WIPI2: variants seen among roughly 807,000 people sequenced by gnomAD.
WIPI2 encodes WD repeat domain, phosphoinositide interacting 2, also known as WD repeat domain phosphoinositide-interacting protein 2.
In WIPI2, 28 loss-of-function variants were observed where a neutral mutation model predicts 52.3. The observed-to-expected ratio is 0.54, with a 90% CI of 0.40 to 0.73. The LOEUF (loss-of-function observed/expected upper bound fraction) is 0.73. Among genes scored for constraint, WIPI2 ranks in the 30% least tolerant of loss-of-function variants. The pLI, the probability that WIPI2 is intolerant of heterozygous loss-of-function variation, is 0.00. For synonymous variants in WIPI2, 268 were observed against 245.0 expected (o/e 1.09, Z -0.88); for missense variants, 506 against 602.9 (o/e 0.84, Z 1.68).
Position 5,214,367 on chromosome 7 carries a change from C to T in WIPI2, c.212-168C>T, listed in dbSNP as rs73676541. 418 of 1,594,278 alleles carry T rather than the reference C, an allele frequency of 2.6e-4. No individual in the cohort carries two copies. In the African/African-American group the frequency reaches 5.1e-3, roughly 20 times the overall value. On this transcript the variant is annotated intron_variant, in intron 3 of 12. Transcript: ENST00000288828. ...TCCTGAGGCTCCAGCGAATCAAGACCCTCAGACCCCCGGGCTGTCCCCACC... is the reference window on the plus strand; with the variant it reads ...TCCTGAGGCTCCAGCGAATCAAGACTCTCAGACCCCCGGGCTGTCCCCACC...
chr7:5,207,020 C>G (rs1168047295), intron 3 of WIPI2, among the ~76,000 whole-genome samples: 1 of 152,166 alleles, frequency 6.6e-6, no homozygotes, highest in Non-Finnish European at 1.5e-5. Context: ...CTCAAGTGAT[C>G]CACATCAGCC....
Position 5,214,579 on chromosome 7 carries a change from A to C in WIPI2, c.256A>C (p.Ser86Arg), listed in dbSNP as rs1269392239. ...VCIVERLFSS[S>R]LVAIVSLKAP... ...CATTGTAGAGAGATTGTTCTCCAGCAGCCTAGTGGCCATCGTCAGCCTTAA... is the reference window on the plus strand; with the variant it reads ...CATTGTAGAGAGATTGTTCTCCAGCCGCCTAGTGGCCATCGTCAGCCTTAA... Residue 86 changes from serine to arginine, a missense_variant, in exon 4 of 13, where the codon AGC (serine) becomes CGC (arginine). Ser to Arg is a moderately radical substitution (Grantham distance 110). This residue lies in a region of WIPI2 where 237 missense variants were observed against 346.9 expected (regional missense o/e 0.68). Transcript: ENST00000288828. 1 of 1,614,258 alleles carries C rather than the reference A, an allele frequency of 6.2e-7. No individual in the cohort carries two copies. The highest frequency in any genetic ancestry group is 1.7e-5 in the Admixed American group (1 of 60,038).
chr7:5,228,137 C>T lies in WIPI2; in HGVS notation c.1047C>T (p.Ala349=), dbSNP rs370203858. Residue 349 remains alanine, a synonymous_variant, in exon 11 of 13, where the codon GCC becomes GCT. Coordinates refer to ENST00000288828, the MANE Select transcript of WIPI2 (RefSeq NM_015610.4). ...IQKIPRLLVG[A]ADGYLYMYNL... ...AGATCCCGCGGTTGTTGGTGGGTGC[C>T]GCCGACGGGTACCTGTACATGTACA... is the stretch of plus-strand genomic sequence containing the variant. 1.5e-5 allele frequency: 24 copies of T among 1,613,892 alleles called. 1 individual carries two copies. In the African/African-American group the frequency reaches 1.6e-4, roughly 11 times the overall value.
At chr7:5,192,493 T>A (rs1384670081) in intron 1 of WIPI2, among the ~76,000 whole-genome samples, 1 of 152,186 alleles carries the variant, frequency 6.6e-6, no homozygotes, top group Non-Finnish European at 1.5e-5. Context: ...CACAGAAGAG[T>A]GTCACTCTGG....
At chr7:5,217,720 G>A in intron 6 of WIPI2, 2 of 606,262 alleles carry the variant, frequency 3.3e-6, no homozygotes, top group Non-Finnish European at 3.0e-6. Context: ...AAAACCTTAG[G>A]GATAAATTGC....
chr7:5,215,372 A>C lies in WIPI2; in HGVS notation c.381+668A>C, dbSNP rs1583572124. Among the ~76,000 whole-genome samples, 8 of 152,340 alleles carry C rather than the reference A, an allele frequency of 5.3e-5. No homozygotes were observed. The South Asian group carries it at 1.7e-3, about 32-fold the overall frequency. ...AAATTGTTAGTTTAACTTTGAATTC[A>C]AGATGAAGGATTTATTACTTTATCT... On this transcript the variant is annotated intron_variant, in intron 4 of 12. Coordinates refer to ENST00000288828, the MANE Select transcript of WIPI2 (RefSeq NM_015610.4).
rs926191840 is a variant in WIPI2, at chr7:5,214,664, G to A, written c.341G>A (p.Ser114Asn). The A allele has an allele frequency of 6.2e-7, 1 of 1,614,112 alleles. No individual in the cohort carries two copies. Among genetic ancestry groups the A allele is most frequent in the African/African-American group, 1.3e-5 (1 of 74,946 alleles). The change falls in exon 4 of 13, where the codon AGC becomes AAC. Residue 114 changes from serine (S) to asparagine (N), a missense_variant. This residue lies in a region of WIPI2 where 237 missense variants were observed against 346.9 expected (regional missense o/e 0.68). Transcript: ENST00000288828. ...FKKGTEICNYSYSNTILAVKL... is the reference protein window; with the variant it reads ...FKKGTEICNYNYSNTILAVKL... ...AAGGGAACTGAGATCTGCAACTACA[G>A]CTACTCCAACACGATTCTGGCTGTG...
chr7:5,217,154 C>T lies in WIPI2; in HGVS notation c.543C>T (p.Ile181=), dbSNP rs774114268. Residue 181 remains isoleucine, a synonymous_variant, in exon 6 of 13, where the codon ATC becomes ATT. Coordinates refer to ENST00000288828, the MANE Select transcript of WIPI2 (RefSeq NM_015610.4). ...TGGCGTACCCAGGGAGCGCGACCATCGGAGAGGTGCAGGTCTTCGATACCA... is the reference window on the plus strand; with the variant it reads ...TGGCGTACCCAGGGAGCGCGACCATTGGAGAGGTGCAGGTCTTCGATACCA... ...CYLAYPGSAT[I]GEVQVFDTIN... 36 of 1,614,014 alleles carry T rather than the reference C, an allele frequency of 2.2e-5. No homozygotes were observed. The highest frequency in any genetic ancestry group is 7.7e-5 in the South Asian group (7 of 91,080).
rs1400860746 is a variant in WIPI2 at position 5,230,028 on chromosome 7, C to T, written c.1252+290C>T. 6.6e-6 allele frequency among the ~76,000 whole-genome samples: 1 copy of T among 151,738 alleles called. No individual in the cohort carries two copies. Among genetic ancestry groups the T allele is most frequent in the Admixed American group, 6.6e-5 (1 of 15,232 alleles). On this transcript the variant is annotated intron_variant, in intron 12 of 12. Transcript: ENST00000288828. This position sits in a 1 kb window ranked among gnomAD's most constrained non-coding sequence, Gnocchi z 4.8. ...GCTCAAGTGATTCTCCCGCCTCAGCCTCCCACAGTGCTGGGATTATAGGCA... is the reference window on the plus strand; with the variant it reads ...GCTCAAGTGATTCTCCCGCCTCAGCTTCCCACAGTGCTGGGATTATAGGCA...
rs771898343 is a variant in WIPI2, at chr7:5,229,687, G to A, written c.1201G>A (p.Gly401Ser). Residue 401 changes from glycine to serine, a missense_variant, in exon 12 of 13, where the codon GGC becomes AGC. By Grantham distance (56) the Gly-to-Ser change is moderately conservative. Transcript: ENST00000288828. ...HDCPLVTQTYGAAAGKGTYVP... is the reference protein window; with the variant it reads ...HDCPLVTQTYSAAAGKGTYVP... ...CTGCCCCTTAGTCACTCAGACATAC[G>A]GCGCAGCTGCAGGAAAAGGTACTTA... The A allele has an allele frequency of 5.3e-5, 86 of 1,613,916 alleles. No homozygotes were observed. Among genetic ancestry groups the A allele is most frequent in the Non-Finnish European group, 6.9e-5 (82 of 1,179,994 alleles).
rs201154014 is a variant in WIPI2 at position 5,232,024 on chromosome 7, C to T, written c.*1077C>T. On this transcript the variant is annotated 3_prime_UTR_variant, in exon 13 of 13. Transcript: ENST00000288828. ...TGGTTGCAAGCTTCAGTATTTGCCT[C>T]GCTTCCCTTCCCTTTTCATATTTAC... 270 of 313,860 alleles carry T rather than the reference C, an allele frequency of 8.6e-4. 4 individuals carry two copies. In the East Asian group the frequency reaches 1.0e-2, roughly 12 times the overall value. The allele number at this position is 313,860 out of a possible 1,614,324, so 19.4% of individuals were successfully genotyped here.
intron 3 of WIPI2, among the ~76,000 whole-genome samples, chr7:5,204,497 A>G (rs1472737953): frequency 6.6e-6 from 1 of 152,206 alleles, no homozygotes; most frequent in East Asian, 1.9e-4. Context: ...GAAGTGTAAT[A>G]GAAAAATATT....
chr7:5,224,479 G>A (rs148055682), intron 8 of WIPI2, among the ~76,000 whole-genome samples: 165 of 152,356 alleles, frequency 1.1e-3, no homozygotes, highest in African/African-American at 3.9e-3. Flanking sequence ...AGTAGAGAAA[G>A]TAATTCATGC....
At chr7:5,205,882 GT>G (rs11300150) in intron 3 of WIPI2, among the ~76,000 whole-genome samples, 132,363 of 145,016 alleles carry the variant, frequency 0.91, 60,419 homozygotes, top group Admixed American at 0.94. Flanking sequence ...TGCTGCCACT[GT>G]TTTTTTTTTT....
rs1260325537 is a variant in WIPI2 at position 5,214,714 on chromosome 7, G to T, written c.381+10G>T. On this transcript the variant is annotated intron_variant, in intron 4 of 12. Transcript: ENST00000288828. ...GAAGCTCAACAGGCAGGTGAGCGCTGCCCCAGCTGGGTGTGGGCTTGTCTG... is the reference window on the plus strand; with the variant it reads ...GAAGCTCAACAGGCAGGTGAGCGCTTCCCCAGCTGGGTGTGGGCTTGTCTG... 1 of 1,613,122 alleles carries T rather than the reference G, an allele frequency of 6.2e-7. No homozygotes were observed.
At chr7:5,191,089 A>G (rs1781462003) in intron 1 of WIPI2, among the ~76,000 whole-genome samples, 1 of 151,826 alleles carries the variant, frequency 6.6e-6, no homozygotes, top group African/African-American at 2.4e-5. Context: ...GTGCCATCTC[A>G]GCTCACTGCA....
chr7:5,195,353 C>G (rs543031897), intron 2 of WIPI2, among the ~76,000 whole-genome samples: 13 of 151,842 alleles, frequency 8.6e-5, no homozygotes, highest in African/African-American at 3.1e-4. Context: ...GGTGTGGTGG[C>G]ACGCGCCTGT....
At position 5,231,323 on chromosome 7, in the gene WIPI2, A is replaced by G. The variant is rs964243980; in HGVS notation, c.*376A>G. ...GTTGGGTTTTTTCATATCTGTACATAATGCCGAGTGCGTAAGGAAACCGTG... is the reference window on the plus strand; with the variant it reads ...GTTGGGTTTTTTCATATCTGTACATGATGCCGAGTGCGTAAGGAAACCGTG... On this transcript the variant is annotated 3_prime_UTR_variant, in exon 13 of 13. Transcript: ENST00000288828. 1.1e-5 allele frequency: 2 copies of G among 174,798 alleles called. No individual in the cohort carries two copies. Among genetic ancestry groups the G allele is most frequent in the Non-Finnish European group, 2.4e-5 (2 of 82,262 alleles). The allele number at this position is 174,798 out of a possible 1,614,324, so 10.8% of individuals were successfully genotyped here.
intron 4 of WIPI2, among the ~76,000 whole-genome samples, chr7:5,215,322 C>T (rs921118809): frequency 6.6e-6 from 1 of 152,116 alleles, no homozygotes; most frequent in African/African-American, 2.4e-5. Flanking sequence ...AAAAAAAAAA[C>T]TTACAGACTT....
Sources: gnomAD v4.1 joint callset for allele counts (sites outside exome capture counted in the v4.1 genomes callset) on GRCh38, gnomAD v4.1.1 for gene constraint, gnomAD v4.1.1 regional missense constraint, Gnocchi (gnomAD v3.1) non-coding constraint, MANE v1.5 for transcripts, NCBI Gene and HGNC (gene_info 2026-07-23, HGNC 2026-07-21) for gene names.